RASD2: variants seen among roughly 807,000 people sequenced by gnomAD.
The protein encoded by RASD2 is GTP-binding protein Rhes.
In RASD2, 7 loss-of-function variants were observed where a neutral mutation model predicts 15.8. That is an observed-to-expected ratio of 0.44 (90% CI 0.25 to 0.83). The LOEUF (loss-of-function observed/expected upper bound fraction) is 0.83, where lower values mean the gene tolerates loss of function less well. Among genes scored for constraint, RASD2 ranks in the 40% least tolerant of loss-of-function variants. RASD2 has a pLI of 0.20. For synonymous variants in RASD2, 155 were observed against 153.6 expected (o/e 1.01, Z -0.07); for missense variants, 274 against 382.8 (o/e 0.72, Z 2.37).
the RASD2 span, among the ~76,000 whole-genome samples, chr22:35,535,041 A>G: frequency 1.3e-5 from 2 of 152,164 alleles, no homozygotes; most frequent in African/African-American, 4.8e-5. Context: ...GAGGGCGAGG[A>G]CCCCATGACA....
At chr22:35,533,328 G>A in the RASD2 span, among the ~76,000 whole-genome samples, 1 of 152,260 alleles carries the variant, frequency 6.6e-6, no homozygotes, top group Non-Finnish European at 1.5e-5. Context: ...CCTGTCTGAA[G>A]GGAGAAAGCT....
Position 35,552,010 on chromosome 22 carries a change from G to A in RASD2, c.779G>A (p.Arg260Lys). 2 of 1,599,230 alleles carry A rather than the reference G, an allele frequency of 1.3e-6. No homozygotes were observed. Among genetic ancestry groups the A allele is most frequent in the Non-Finnish European group, 1.7e-6 (2 of 1,179,566 alleles). The change falls in exon 3 of 3, where the codon AGG becomes AAG. Residue 260 changes from arginine (R) to lysine (K), a missense_variant. Physicochemically the swap from Arg to Lys is conservative, Grantham distance 26 (BLOSUM62 2). Coordinates refer to ENST00000216127, the MANE Select transcript of RASD2 (RefSeq NM_014310.4). Reference sequence around the variant, plus strand: ...CTTCGGGAAGGCCAGGCCCGTGAGAGGGACAAGTGCACCATCCAGTGAGCG... The same window carrying A: ...CTTCGGGAAGGCCAGGCCCGTGAGAAGGACAAGTGCACCATCCAGTGAGCG... ...KVLREGQARE[R>K]DKCTIQ
chr22:35,534,620 T>G, the RASD2 span, among the ~76,000 whole-genome samples: 4 of 152,210 alleles, frequency 2.6e-5, no homozygotes, highest in Non-Finnish European at 4.4e-5. Flanking sequence ...ACAGTCATCA[T>G]AGTTCCCTGC....
intron 2 of RASD2, among the ~76,000 whole-genome samples, chr22:35,548,021 G>A (rs978211917): frequency 1.3e-5 from 2 of 152,246 alleles, no homozygotes; most frequent in Admixed American, 6.5e-5. Flanking sequence ...TGGTAGCACA[G>A]CTCGTAAAGG....
At chr22:35,538,369 G>A (rs1366712740), upstream of RASD2, among the ~76,000 whole-genome samples, 3 of 151,988 alleles carry the variant, frequency 2.0e-5, no homozygotes, top group Non-Finnish European at 4.4e-5. Context: ...GGTTATATGG[G>A]AGAGAGAGGG....
At chr22:35,546,135 G>A (rs1190994260) in intron 1 of RASD2, among the ~76,000 whole-genome samples, 1 of 152,168 alleles carries the variant, frequency 6.6e-6, no homozygotes, top group Non-Finnish European at 1.5e-5. Flanking sequence ...TCATGGAGCG[G>A]AGGGAGCCCG....
Position 35,552,641 on chromosome 22 carries a change from A to T in RASD2, c.*609A>T, listed in dbSNP as rs1157860573. On this transcript the variant is annotated 3_prime_UTR_variant, in exon 3 of 3. Transcript: ENST00000216127. ...TGGCCACACCTCCTAGACCACGCCCACCACTTAGACCACGCCCACCTCCTG... is the reference window on the plus strand; with the variant it reads ...TGGCCACACCTCCTAGACCACGCCCTCCACTTAGACCACGCCCACCTCCTG... 2 of 152,624 alleles carry T rather than the reference A, an allele frequency of 1.3e-5. No homozygotes were observed. Among genetic ancestry groups the T allele is most frequent in the Non-Finnish European group, 2.9e-5 (2 of 68,394 alleles). The allele number at this position is 152,624 out of a possible 1,614,324, so 9.5% of individuals were successfully genotyped here. A position where few individuals can be genotyped will look rare whatever the true frequency, so the allele number is the denominator to read the frequency against.
chr22:35,535,484 C>T, the RASD2 span, among the ~76,000 whole-genome samples: 176 of 152,038 alleles, frequency 1.2e-3, no homozygotes, highest in Non-Finnish European at 1.8e-3. Context: ...TCTATTGGAA[C>T]CCCAAGTTTC....
At chr22:35,550,299 G>A (rs1402624922) in intron 2 of RASD2, among the ~76,000 whole-genome samples, 1 of 151,674 alleles carries the variant, frequency 6.6e-6, no homozygotes, top group Non-Finnish European at 1.5e-5. Flanking sequence ...AAAATAGCTA[G>A]GCATGGTGAC....
chr22:35,546,249 T>G (rs949788480), intron 1 of RASD2, among the ~76,000 whole-genome samples: 5 of 152,096 alleles, frequency 3.3e-5, no homozygotes, highest in Non-Finnish European at 7.4e-5. Context: ...AGCCTTCCCT[T>G]CTTCCCAGGA....
chr22:35,547,830 G>A (rs1934552532), intron 2 of RASD2, among the ~76,000 whole-genome samples: 1 of 152,150 alleles, frequency 6.6e-6, no homozygotes, highest in Non-Finnish European at 1.5e-5. Flanking sequence ...TAGCCAGGAT[G>A]GTCTCGATCT....
chr22:35,536,931 C>A (rs184311651), upstream of RASD2, among the ~76,000 whole-genome samples: 1 of 152,258 alleles, frequency 6.6e-6, no homozygotes, highest in Admixed American at 6.5e-5. Context: ...AGCTTTAAAC[C>A]GTATGGTGAT....
chr22:35,545,806 T>A (rs1934486607), intron 1 of RASD2, among the ~76,000 whole-genome samples: 1 of 151,304 alleles, frequency 6.6e-6, no homozygotes, highest in Non-Finnish European at 1.5e-5. Context: ...GGGTCAGGGG[T>A]TCTGGGGCGG....
chr22:35,552,241 T>TC lies in RASD2; in HGVS notation c.*209_*210insC, dbSNP rs1261761639. Reference sequence around the variant, plus strand: ...CCGCTTGTCCACAGCTCCTTGGTGGTTTCATCTCCTCTGTGGGAGGACACA... The same window carrying TC: ...CCGCTTGTCCACAGCTCCTTGGTGGTCTTCATCTCCTCTGTGGGAGGACACA... On this transcript the variant is annotated 3_prime_UTR_variant, in exon 3 of 3. Coordinates refer to ENST00000216127, the MANE Select transcript of RASD2 (RefSeq NM_014310.4). The TC allele has an allele frequency of 2.0e-5, 13 of 637,092 alleles. No individual in the cohort carries two copies. Among genetic ancestry groups the TC allele is most frequent in the Middle Eastern group, 4.2e-4 (1 of 2,386 alleles). The allele number at this position is 637,092 out of a possible 1,614,324, so 39.5% of individuals were successfully genotyped here.
intron 2 of RASD2, among the ~76,000 whole-genome samples, chr22:35,549,205 C>T (rs543435853): frequency 5.6e-4 from 85 of 152,330 alleles, no homozygotes; most frequent in Non-Finnish European, 1.1e-3. Context: ...TGGAGCCTTC[C>T]GGGCCTCCGT....
upstream of RASD2, among the ~76,000 whole-genome samples, chr22:35,538,302 C>T (rs1934273916): frequency 6.6e-6 from 1 of 151,922 alleles, no homozygotes; most frequent in Non-Finnish European, 1.5e-5. Flanking sequence ...AATGGGGAGC[C>T]CTTGAAAACT....
chr22:35,533,634 G>GTGATGGTGATGATGACAGTGATGA, the RASD2 span, among the ~76,000 whole-genome samples: 2 of 5,426 alleles, frequency 3.7e-4, no homozygotes, highest in Non-Finnish European at 8.5e-4. Flanking sequence ...GGGAATGATG[G>GTGATGGTGATGATGACAGTGATGA]TGATGATGGT....
At chr22:35,545,111 G>C (rs1349898018) in intron 1 of RASD2, among the ~76,000 whole-genome samples, 11 of 152,166 alleles carry the variant, frequency 7.2e-5, no homozygotes, top group Admixed American at 7.2e-4. Context: ...ACCGTAGTGG[G>C]AGCATTTACG....
rs773753388 is a variant in RASD2 at position 35,551,888 on chromosome 22, G to T, written c.657G>T (p.Met219Ile). The T allele has an allele frequency of 6.2e-7, 1 of 1,613,532 alleles. No homozygotes were observed. Among genetic ancestry groups the T allele is most frequent in the Admixed American group, 1.7e-5 (1 of 60,000 alleles). The change falls in exon 3 of 3, where the codon ATG becomes ATT. Residue 219 changes from methionine to isoleucine, a missense_variant. Met to Ile is a conservative substitution (Grantham distance 10). Transcript: ENST00000216127. This position sits in a 1 kb window ranked among gnomAD's most constrained non-coding sequence, Gnocchi z 4.9. ...GDAFHPRPFC[M>I]RRVKEMDAYG... ...CCTTCCACCCCAGGCCCTTCTGCAT[G>T]CGCCGCGTCAAGGAGATGGACGCCT...
Sources: gnomAD v4.1 joint callset for allele counts (sites outside exome capture counted in the v4.1 genomes callset) on GRCh38, gnomAD v4.1.1 for gene constraint, Gnocchi (gnomAD v3.1) non-coding constraint, MANE v1.5 for transcripts, NCBI Gene and HGNC (gene_info 2026-07-23, HGNC 2026-07-21) for gene names.